The following MSH3 variants were observed in gnomAD, a reference collection of about 807,000 sequenced individuals.
MSH3 encodes DNA mismatch repair protein Msh3.
MSH3 carries 106 observed loss-of-function variants against 123.3 expected under a neutral mutation model. That is an observed-to-expected ratio of 0.86 (90% CI 0.73 to 1.01). The LOEUF is 1.01. Ranked by LOEUF, MSH3 falls within the 50% of genes least tolerant of loss-of-function variation. MSH3 has a pLI of 0.00. For synonymous variants in MSH3, 515 were observed against 481.4 expected (o/e 1.07, Z -0.91); for missense variants, 1,459 against 1,347.6 (o/e 1.08, Z -1.29).
intron 8 of MSH3, among the ~76,000 whole-genome samples, chr5:80,719,933 G>T (rs149465983): frequency 6.6e-6 from 1 of 152,172 alleles, no homozygotes; most frequent in African/African-American, 2.4e-5. Flanking sequence ...TCACTGGCAG[G>T]TTCTCTGGCT....
At chr5:80,687,339 T>C (rs1750115742) in intron 8 of MSH3, among the ~76,000 whole-genome samples, 1 of 152,340 alleles carries the variant, frequency 6.6e-6, no homozygotes, top group African/African-American at 2.4e-5. Context: ...AAATGTTGTA[T>C]GTTTATAGAA....
chr5:80,808,868 T>TATAG lies in MSH3; in HGVS notation c.2656-4713_2656-4712insGATA, dbSNP rs1027829988. On this transcript the variant is annotated intron_variant, in intron 19 of 23. Coordinates refer to ENST00000265081, the MANE Select transcript of MSH3 (RefSeq NM_002439.5). ...GTAATATATCTTCTTCATATATATA[T>TATAG]ATATATATATATATACACAATCTAA... 2.4e-5 allele frequency among the ~76,000 whole-genome samples: 3 copies of TATAG among 125,450 alleles called. 1 individual carries two copies. The highest frequency in any genetic ancestry group is 9.5e-5 in the African/African-American group (3 of 31,626). The allele number at this position is 125,450 out of a possible 152,430, so 82.3% of individuals were successfully genotyped here. A position where few individuals can be genotyped will look rare whatever the true frequency, so the allele number is the denominator to read the frequency against.
chr5:80,739,745 T>G (rs142203632), intron 10 of MSH3, among the ~76,000 whole-genome samples: 62 of 152,340 alleles, frequency 4.1e-4, no homozygotes, highest in African/African-American at 1.4e-3. Flanking sequence ...AAGGACAGCA[T>G]TGAGTTACTA....
chr5:80,832,970 A>G (rs1164808723), intron 20 of MSH3, among the ~76,000 whole-genome samples: 2 of 152,168 alleles, frequency 1.3e-5, no homozygotes, highest in Non-Finnish European at 2.9e-5. Flanking sequence ...TGCCTGAGAG[A>G]CATCTAGAAT....
At chr5:80,792,985 A>G in intron 19 of MSH3, 141 bp downstream of exon 19, 1 of 629,498 alleles carries the variant, frequency 1.6e-6, no homozygotes, top group Non-Finnish European at 2.9e-6. Context: ...TTTTATATTT[A>G]CCACGAAATG....
Position 80,729,439 on chromosome 5 carries a change from TGTG to T in MSH3, c.1568+475_1568+477del, listed in dbSNP as rs1416556245. Among the ~76,000 whole-genome samples the T allele has an allele frequency of 4.6e-3, 610 of 133,206 alleles. 7 individuals are homozygous for T. The highest frequency in any genetic ancestry group is 0.016 in the Middle Eastern group (4 of 250). The allele number at this position is 133,206 out of a possible 152,430, so 87.4% of individuals were successfully genotyped here. A position where few individuals can be genotyped will look rare whatever the true frequency, so the allele number is the denominator to read the frequency against. On this transcript the variant is annotated intron_variant, in intron 10 of 23. Transcript: ENST00000265081. Reference sequence around the variant, plus strand: ...AAAAAAAAAAAAAAAAATGTGTGTGTGTGTGTGTGTGTGTGTGTGTGTATATAT... The same window carrying T: ...AAAAAAAAAAAAAAAAATGTGTGTGTTGTGTGTGTGTGTGTGTGTATATAT...
rs192693910 is a variant in MSH3, at chr5:80,831,472, T to C, written c.2813+17731T>C. Among the ~76,000 whole-genome samples the C allele has an allele frequency of 1.4e-3, 219 of 152,326 alleles. 2 individuals are homozygous for C. Among genetic ancestry groups the C allele is most frequent in the Non-Finnish European group, 2.4e-3 (163 of 68,020 alleles). ...TTTCTGAGTTATTGTTTATGTTTAA[T>C]TAAATACAAGACAGATTTACTAATT... On this transcript the variant is annotated intron_variant, in intron 20 of 23. Transcript: ENST00000265081.
intron 20 of MSH3, among the ~76,000 whole-genome samples, chr5:80,834,796 C>T (rs1934335911): frequency 6.6e-6 from 1 of 151,972 alleles, no homozygotes; most frequent in African/African-American, 2.4e-5. Context: ...AAAGTATGTC[C>T]AAGATCTCCT....
At position 80,854,277 on chromosome 5, in the gene MSH3, T is replaced by C; in HGVS notation, c.2961T>C (p.Ile987=). The C allele has an allele frequency of 6.2e-7, 1 of 1,613,946 alleles. No homozygotes were observed. The highest frequency in any genetic ancestry group is 1.1e-5 in the South Asian group (1 of 91,070). ...LGRGTSTHDG[I]AIAYATLEYF... ...GAGGGACGAGCACTCATGATGGAAT[T>C]GCCATTGCCTATGCTACACTTGAGT... The change falls in exon 21 of 24, where the codon ATT becomes ATC. Residue 987 remains isoleucine (I), a synonymous_variant. Coordinates refer to ENST00000265081, the MANE Select transcript of MSH3 (RefSeq NM_002439.5).
Position 80,775,763 on chromosome 5 carries a change from G to C in MSH3, c.2318+5G>C. 6.4e-7 allele frequency: 1 copy of C among 1,567,100 alleles called. No individual in the cohort carries two copies. The highest frequency in any genetic ancestry group is 8.8e-7 in the Non-Finnish European group (1 of 1,137,952). ...TGATTGGGTAAAGGTTGGAAGGTAGGTTTAAAATAAATTTTTTTCTTACAA... is the reference window on the plus strand; with the variant it reads ...TGATTGGGTAAAGGTTGGAAGGTAGCTTTAAAATAAATTTTTTTCTTACAA... On this transcript the variant is annotated splice_donor_5th_base_variant and intron_variant, in intron 16 of 23. Coordinates refer to ENST00000265081, the MANE Select transcript of MSH3 (RefSeq NM_002439.5).
chr5:80,741,979 A>G (rs942611878), intron 11 of MSH3, among the ~76,000 whole-genome samples: 10 of 150,758 alleles, frequency 6.6e-5, no homozygotes, highest in Admixed American at 5.3e-4. Flanking sequence ...TGTAAGATGC[A>G]TAACATTTCA....
intron 19 of MSH3, among the ~76,000 whole-genome samples, chr5:80,805,905 A>G (rs1402521592): frequency 2.6e-5 from 4 of 151,988 alleles, no homozygotes; most frequent in Admixed American, 6.6e-5. Context: ...ATGCCTTTTG[A>G]TGACAAAAAA....
At chr5:80,828,189 C>A (rs1216015831) in intron 20 of MSH3, among the ~76,000 whole-genome samples, 1 of 152,174 alleles carries the variant, frequency 6.6e-6, no homozygotes, top group Non-Finnish European at 1.5e-5. Context: ...TATGGGCCTT[C>A]TTACTGCCTC....
intron 12 of MSH3, among the ~76,000 whole-genome samples, chr5:80,753,246 A>G (rs1200254526): frequency 6.6e-6 from 1 of 152,144 alleles, no homozygotes. Context: ...GAAGACAGCC[A>G]TCAGATGACC....
intron 11 of MSH3, 91 bp downstream of exon 11, chr5:80,741,639 A>C (rs1396123296): frequency 1.1e-6 from 1 of 882,820 alleles, no homozygotes; most frequent in Non-Finnish European, 1.9e-6. Flanking sequence ...GTACAGGTGA[A>C]AATATAGTGT....
At chr5:80,723,779 A>G (rs62366947) in intron 8 of MSH3, among the ~76,000 whole-genome samples, 1 of 149,772 alleles carries the variant, frequency 6.7e-6, no homozygotes, top group Non-Finnish European at 1.5e-5. Flanking sequence ...TTTTTTTTTA[A>G]TTTGAGACGA....
At chr5:80,782,353 CTT>C (rs59269907) in intron 17 of MSH3, among the ~76,000 whole-genome samples, 3 of 151,850 alleles carry the variant, frequency 2.0e-5, no homozygotes, top group Non-Finnish European at 1.5e-5. Context: ...CACATACAGG[CTT>C]TTTTTTTCCC....
chr5:80,807,840 A>G (rs1216512028), intron 19 of MSH3, among the ~76,000 whole-genome samples: 3 of 152,190 alleles, frequency 2.0e-5, no homozygotes, highest in Non-Finnish European at 2.9e-5. Context: ...TACACCAATG[A>G]ACCTAACTTG....
chr5:80,759,097 T>C (rs1743986269), intron 12 of MSH3, among the ~76,000 whole-genome samples: 1 of 152,262 alleles, frequency 6.6e-6, no homozygotes, highest in Non-Finnish European at 1.5e-5. Context: ...TTATATGTAG[T>C]CTTCAGAATG....
Sources: gnomAD v4.1 joint callset for allele counts (sites outside exome capture counted in the v4.1 genomes callset) on GRCh38, gnomAD v4.1.1 for gene constraint, MANE v1.5 for transcripts, NCBI Gene and HGNC (gene_info 2026-07-23, HGNC 2026-07-21) for gene names.